SDK1: variants seen among roughly 807,000 people sequenced by gnomAD.
The protein encoded by SDK1 is protein sidekick-1.
A neutral mutation model predicts 245.5 loss-of-function variants in SDK1; 157 were observed. The ratio of observed to expected loss-of-function variants is 0.64; its 90% CI spans 0.56 to 0.73. The LOEUF is 0.73. SDK1 is among the 30% of genes least tolerant of loss of function. The pLI, the probability that SDK1 is intolerant of heterozygous loss-of-function variation, is 0.00. For synonymous variants in SDK1, 1,647 were observed against 1,278.5 expected (o/e 1.29, Z -6.15); for missense variants, 3,583 against 3,002.3 (o/e 1.19, Z -4.52).
intron 5 of SDK1, among the ~76,000 whole-genome samples, chr7:3,928,816 G>A (rs1779869552): frequency 6.6e-6 from 1 of 152,204 alleles, no homozygotes; most frequent in Non-Finnish European, 1.5e-5. Context: ...TACAGATGAG[G>A]AAACTAAGTC....
At chr7:3,844,666 C>G (rs1212516768) in intron 5 of SDK1, among the ~76,000 whole-genome samples, 1 of 152,190 alleles carries the variant, frequency 6.6e-6, no homozygotes, top group Non-Finnish European at 1.5e-5. Context: ...ACAGAAAAAT[C>G]CCATTTAAAA....
At chr7:3,746,908 A>G (rs1254867702) in intron 4 of SDK1, among the ~76,000 whole-genome samples, 1 of 152,194 alleles carries the variant, frequency 6.6e-6, no homozygotes, top group Non-Finnish European at 1.5e-5. Flanking sequence ...ATCTAGAATG[A>G]TGAATGCTTT....
At position 3,642,023 on chromosome 7, in the gene SDK1, A is replaced by C. The variant is rs139106987; in HGVS notation, c.631A>C (p.Asn211His). ...TVSQGRAAILNLLPITSYPRP... is the reference protein window; with the variant it reads ...TVSQGRAAILHLLPITSYPRP... Reference sequence around the variant, plus strand: ...TTCTCAAGGACGTGCAGCGATTCTAAACCTGCTGCCCATCACCAGCTACCC... The same window carrying C: ...TTCTCAAGGACGTGCAGCGATTCTACACCTGCTGCCCATCACCAGCTACCC... Residue 211 changes from asparagine (N) to histidine (H), a missense_variant, in exon 4 of 45, where the codon AAC becomes CAC. Asn to His is a moderately conservative substitution (Grantham distance 68). Transcript: ENST00000404826. 178 of 1,613,552 alleles carry C rather than the reference A, an allele frequency of 1.1e-4. 1 individual carries two copies. Among genetic ancestry groups the C allele is most frequent in the Non-Finnish European group, 1.4e-4 (160 of 1,179,556 alleles).
At chr7:3,394,867 A>G (rs975534348) in intron 1 of SDK1, among the ~76,000 whole-genome samples, 1 of 151,938 alleles carries the variant, frequency 6.6e-6, no homozygotes, top group Non-Finnish European at 1.5e-5. Flanking sequence ...TGTGAACTAG[A>G]TGTGCTTTTT....
At chr7:3,599,242 A>C (rs112183796) in intron 1 of SDK1, among the ~76,000 whole-genome samples, 500 of 152,072 alleles carry the variant, frequency 3.3e-3, no homozygotes, top group African/African-American at 0.011. Flanking sequence ...ACATCTTTTC[A>C]TGTGCTGATT....
chr7:3,302,028 G>A (rs1255974741), intron 1 of SDK1, 144 bp downstream of exon 1: 3 of 522,284 alleles, frequency 5.7e-6, no homozygotes, highest in Non-Finnish European at 7.6e-6. Context: ...GGAGCCCAGG[G>A]GCTCCTCCAC....
At chr7:3,919,859 G>A (rs968622193) in intron 5 of SDK1, among the ~76,000 whole-genome samples, 1 of 152,164 alleles carries the variant, frequency 6.6e-6, no homozygotes, top group Non-Finnish European at 1.5e-5. Context: ...GGACCTCAGG[G>A]AGGTCACATC....
chr7:3,660,490 G>C (rs376812733), intron 4 of SDK1, among the ~76,000 whole-genome samples: 2 of 152,172 alleles, frequency 1.3e-5, no homozygotes, highest in African/African-American at 2.4e-5. Context: ...GAGAGAAAGA[G>C]AGAGAGAGAT....
intron 5 of SDK1, among the ~76,000 whole-genome samples, chr7:3,907,515 G>A (rs1234502215): frequency 3.3e-5 from 5 of 152,064 alleles, no homozygotes; most frequent in African/African-American, 9.7e-5. Flanking sequence ...CCACTTGCCC[G>A]TTCATGTACA....
intron 40 of SDK1, chr7:4,227,126 T>G: frequency 1.6e-5 from 4 of 254,350 alleles, no homozygotes; most frequent in Admixed American, 5.1e-5. Context: ...GCAACGGGAG[T>G]TTTCAAGTGA....
At chr7:4,133,477 G>A (rs775037970) in intron 28 of SDK1, among the ~76,000 whole-genome samples, 7 of 152,182 alleles carry the variant, frequency 4.6e-5, no homozygotes, top group Non-Finnish European at 7.3e-5. Flanking sequence ...ATCTGAAAGA[G>A]GTTTCATTCA....
At chr7:4,209,111 T>A (rs760647588) in intron 37 of SDK1, among the ~76,000 whole-genome samples, 29 of 152,222 alleles carry the variant, frequency 1.9e-4, no homozygotes, top group Non-Finnish European at 4.4e-5. Flanking sequence ...AACTCTCATG[T>A]GCTGACCACA....
intron 18 of SDK1, among the ~76,000 whole-genome samples, chr7:4,051,074 GTT>G (rs1176849692): frequency 1.5e-5 from 2 of 137,684 alleles, no homozygotes; most frequent in African/African-American, 2.7e-5. Flanking sequence ...TGTTATGTAT[GTT>G]ATATATAGTA....
intron 25 of SDK1, among the ~76,000 whole-genome samples, chr7:4,122,794 G>C (rs975300558): frequency 3.9e-5 from 6 of 152,186 alleles, no homozygotes; most frequent in African/African-American, 1.4e-4. Flanking sequence ...TAAGATGTCA[G>C]GTTGGAAAGG....
chr7:4,237,445 C>G (rs371988544), intron 41 of SDK1, among the ~76,000 whole-genome samples: 1 of 151,962 alleles, frequency 6.6e-6, no homozygotes, highest in African/African-American at 2.4e-5. Flanking sequence ...TGTTGAATTC[C>G]CAAAGCCTGC....
chr7:3,986,191 GT>G (rs1174676285), intron 13 of SDK1, among the ~76,000 whole-genome samples: 3 of 122,158 alleles, frequency 2.5e-5, no homozygotes, highest in Non-Finnish European at 5.8e-5. Flanking sequence ...TTAAGTCCCA[GT>G]AAAAACTTTT....
Position 3,920,966 on chromosome 7 carries a change from A to T in SDK1, c.848-29957A>T, listed in dbSNP as rs529432411. On this transcript the variant is annotated intron_variant, in intron 5 of 44. Transcript: ENST00000404826. ...AAATACCACCCCTGCCCTCAAATGA[A>T]AGCCAACATAGAAACAGATAAACTA... 5.9e-5 allele frequency among the ~76,000 whole-genome samples: 9 copies of T among 152,352 alleles called. No individual in the cohort carries two copies. In the South Asian group the frequency reaches 1.9e-3, roughly 32 times the overall value.
chr7:3,510,815 T>C (rs1446045843), intron 1 of SDK1, among the ~76,000 whole-genome samples: 1 of 152,210 alleles, frequency 6.6e-6, no homozygotes. Flanking sequence ...TTCATGGAGA[T>C]TCTCTGTAGA....
rs551855306 is a variant in SDK1, at chr7:3,584,549, G to A, written c.299-34531G>A. ...GTTGAACCTTTATCAATGGGAACCA[G>A]GAAGGATCCTGGCCAGGTGCTTTCC... On this transcript the variant is annotated intron_variant, in intron 1 of 44. Coordinates refer to ENST00000404826, the MANE Select transcript of SDK1 (RefSeq NM_152744.4). 3.3e-5 allele frequency among the ~76,000 whole-genome samples: 5 copies of A among 152,262 alleles called. 1 individual carries two copies. Among genetic ancestry groups the A allele is most frequent in the African/African-American group, 1.2e-4 (5 of 41,550 alleles).
Sources: gnomAD v4.1 joint callset for allele counts (sites outside exome capture counted in the v4.1 genomes callset) on GRCh38, gnomAD v4.1.1 for gene constraint, MANE v1.5 for transcripts, NCBI Gene and HGNC (gene_info 2026-07-23, HGNC 2026-07-21) for gene names.